Variants in PLCE1 observed in about 807,000 individuals in gnomAD.
The protein encoded by PLCE1 is phospholipase C epsilon 1.
PLCE1 carries 119 observed loss-of-function variants against 242.8 expected under a neutral mutation model. That is an observed-to-expected ratio of 0.49 (90% CI 0.42 to 0.57). The LOEUF is 0.57. PLCE1 is among the 20% of genes least tolerant of loss of function. The pLI is 0.00. For synonymous variants in PLCE1, 945 were observed against 1,017.4 expected (o/e 0.93, Z 1.35); for missense variants, 2,441 against 2,788.8 (o/e 0.88, Z 2.81).
intron 3 of PLCE1, 33 bp from the exon 4 acceptor site, chr10:94,171,147 G>A: frequency 1.3e-6 from 2 of 1,586,260 alleles, no homozygotes; most frequent in Non-Finnish European, 1.7e-6. Context: ...CACCAGATTT[G>A]ATGTAACCAC....
At chr10:94,219,690 AT>A (rs2049655770) in intron 4 of PLCE1, among the ~76,000 whole-genome samples, 1 of 152,192 alleles carries the variant, frequency 6.6e-6, no homozygotes, top group African/African-American at 2.4e-5. Flanking sequence ...AAGGAATCAG[AT>A]TGAAATGAGC....
chr10:94,048,928 A>T, intron 2 of PLCE1, among the ~76,000 whole-genome samples: 1 of 149,292 alleles, frequency 6.7e-6, no homozygotes, highest in Non-Finnish European at 1.5e-5. Flanking sequence ...ATGCCTGGCT[A>T]TTTTTTTTTA....
At chr10:94,135,452 T>C (rs750313366) in intron 3 of PLCE1, among the ~76,000 whole-genome samples, 10 of 152,142 alleles carry the variant, frequency 6.6e-5, no homozygotes, top group Admixed American at 1.3e-4. Context: ...ATGTGTCCTG[T>C]GGCATAGATT....
At chr10:94,154,737 C>T (rs951401272) in intron 3 of PLCE1, among the ~76,000 whole-genome samples, 1 of 151,822 alleles carries the variant, frequency 6.6e-6, no homozygotes, top group Admixed American at 6.6e-5. Context: ...GGAATATTAA[C>T]ATCAAAACCA....
Position 94,031,401 on chromosome 10 carries a change from CA to C in PLCE1, c.356del (p.Gln119ArgfsTer18). The C allele has an allele frequency of 6.2e-7, 1 of 1,613,830 alleles. No homozygotes were observed. Among genetic ancestry groups the C allele is most frequent in the Non-Finnish European group, 8.5e-7 (1 of 1,179,852 alleles). On this transcript the variant is annotated frameshift_variant, in exon 2 of 33. Coordinates refer to ENST00000371380, the MANE Select transcript of PLCE1 (RefSeq NM_016341.4). LOFTEE classifies it high-confidence loss of function. ...GAGAAACCATCAGCATGGCCTTCCT[CA>C]GAGACAATTTTATGAAATGTACAAC... The part of the protein sequence containing the change: ...ILRNHQHGLP[Q>X]RQFYEMYNSV...
chr10:94,071,187 C>T (rs2044341447), intron 2 of PLCE1, among the ~76,000 whole-genome samples: 2 of 152,082 alleles, frequency 1.3e-5, no homozygotes, highest in Non-Finnish European at 2.9e-5. Context: ...TGGGCCTGAC[C>T]CATGCACGGA....
chr10:94,206,959 T>C (rs2049174719), intron 4 of PLCE1, among the ~76,000 whole-genome samples: 1 of 152,242 alleles, frequency 6.6e-6, no homozygotes, highest in Non-Finnish European at 1.5e-5. Flanking sequence ...TTAAAATGTT[T>C]TGATGTTTAT....
intron 3 of PLCE1, among the ~76,000 whole-genome samples, chr10:94,166,704 C>T (rs1213585919): frequency 6.6e-6 from 1 of 152,048 alleles, no homozygotes; most frequent in African/African-American, 2.4e-5. Flanking sequence ...TAAATTTCAG[C>T]CCTGTCTCTC....
chr10:94,137,841 G>C (rs1442821446), intron 3 of PLCE1: 1 of 249,488 alleles, frequency 4.0e-6, no homozygotes, highest in Non-Finnish European at 8.1e-6. Context: ...TACCAATTCT[G>C]CATGATTCAT....
chr10:94,114,792 T>C (rs1373997681), intron 2 of PLCE1, among the ~76,000 whole-genome samples: 1 of 151,574 alleles, frequency 6.6e-6, no homozygotes, highest in Non-Finnish European at 1.5e-5. Flanking sequence ...AGTTCTAGGG[T>C]ACATGTGCAC....
At chr10:94,104,960 C>T (rs766103746) in intron 2 of PLCE1, 1 of 152,202 alleles carries the variant, frequency 6.6e-6, no homozygotes, top group Non-Finnish European at 1.5e-5. Context: ...CAAATGTAAA[C>T]AGTCTTCTCA....
chr10:94,211,360 G>A (rs1323797180), intron 4 of PLCE1, among the ~76,000 whole-genome samples: 2 of 152,230 alleles, frequency 1.3e-5, no homozygotes, highest in East Asian at 1.9e-4. Flanking sequence ...ATGACTGTAG[G>A]TGTCCTGAGG....
At chr10:94,167,123 C>T (rs2047830131) in intron 3 of PLCE1, among the ~76,000 whole-genome samples, 1 of 152,186 alleles carries the variant, frequency 6.6e-6, no homozygotes, top group Admixed American at 6.5e-5. Flanking sequence ...AACCCTGTGT[C>T]TACTAAAAAA....
At position 94,056,733 on chromosome 10, in the gene PLCE1, G is replaced by A. The variant is rs565122447; in HGVS notation, c.1206+24481G>A. On this transcript the variant is annotated intron_variant, in intron 2 of 32. Coordinates refer to ENST00000371380, the MANE Select transcript of PLCE1 (RefSeq NM_016341.4). ...TTCATGGAGTTGTACAATCATAATCGTAATTAATTTTAGAATATTTTCATC... is the reference window on the plus strand; with the variant it reads ...TTCATGGAGTTGTACAATCATAATCATAATTAATTTTAGAATATTTTCATC... Among the ~76,000 whole-genome samples, 588 of 151,976 alleles carry A rather than the reference G, an allele frequency of 3.9e-3. 1 individual carries two copies. The highest frequency in any genetic ancestry group is 6.8e-3 in the Admixed American group (103 of 15,248).
At chr10:94,130,777 A>G (rs952483283) in intron 2 of PLCE1, among the ~76,000 whole-genome samples, 1 of 152,238 alleles carries the variant, frequency 6.6e-6, no homozygotes, top group Non-Finnish European at 1.5e-5. Context: ...CAGTTTGAAT[A>G]TCATAGGACT....
intron 2 of PLCE1, among the ~76,000 whole-genome samples, chr10:94,121,682 A>G (rs1483800171): frequency 6.6e-6 from 1 of 152,158 alleles, no homozygotes; most frequent in Non-Finnish European, 1.5e-5. Context: ...TAAGTACGAC[A>G]TGATCAGTGT....
chr10:94,082,020 A>C (rs2044667579), intron 2 of PLCE1: 1 of 152,226 alleles, frequency 6.6e-6, no homozygotes, highest in African/African-American at 2.4e-5. Context: ...TATAAGTATG[A>C]AACAGTTCTT....
intron 3 of PLCE1, among the ~76,000 whole-genome samples, chr10:94,162,024 T>A (rs544667356): frequency 4.1e-4 from 63 of 152,358 alleles, no homozygotes; most frequent in Admixed American, 3.9e-3. Flanking sequence ...TCATGGTGGA[T>A]AAGCTTTTTG....
chr10:94,080,254 C>T (rs2044617823), intron 2 of PLCE1, among the ~76,000 whole-genome samples: 1 of 152,170 alleles, frequency 6.6e-6, no homozygotes, highest in African/African-American at 2.4e-5. Flanking sequence ...GTCCAAACTC[C>T]TCTCTGCCTC....
Sources: gnomAD v4.1 joint callset for allele counts (sites outside exome capture counted in the v4.1 genomes callset) on GRCh38, gnomAD v4.1.1 for gene constraint, MANE v1.5 for transcripts, NCBI Gene and HGNC (gene_info 2026-07-23, HGNC 2026-07-21) for gene names.